RAD51B: variants seen among roughly 807,000 people sequenced by gnomAD.
RAD51B encodes the protein RAD51 paralog B, also known as DNA repair protein RAD51 homolog 2.
Under a neutral mutation model 42.2 loss-of-function variants are expected in RAD51B, and 38 were observed. The observed-to-expected ratio is 0.90, with a 90% CI of 0.70 to 1.18. RAD51B has a LOEUF of 1.18. Among genes scored for constraint, RAD51B ranks in the 50% most tolerant of loss-of-function variants. The probability of loss-of-function intolerance (pLI) is 0.00; values close to 1 mark genes in which losing one functional copy is unlikely to be tolerated. For synonymous variants in RAD51B, 154 were observed against 145.2 expected, an observed-to-expected ratio of 1.06 and a Z score of -0.43; for missense variants, 373 against 400.7, an observed-to-expected ratio of 0.93 and a Z score of 0.59.
At chr14:68,560,628 C>T (rs966435478) in intron 10 of RAD51B, among the ~76,000 whole-genome samples, 17 of 152,186 alleles carry the variant, frequency 1.1e-4, no homozygotes, top group African/African-American at 3.9e-4. Flanking sequence ...CCCAGCTACT[C>T]GGGAGAGTGA....
At chr14:68,596,053 T>C, downstream of RAD51B, 3 of 1,050,432 alleles carry the variant, frequency 2.9e-6, no homozygotes, top group Non-Finnish European at 3.5e-6. Flanking sequence ...GACCAGCAGA[T>C]GTGTTTCCTG....
At chr14:68,093,536 C>T (rs1048828782) in intron 7 of RAD51B, among the ~76,000 whole-genome samples, 43 of 152,188 alleles carry the variant, frequency 2.8e-4, no homozygotes, top group Middle Eastern at 3.4e-3. Context: ...TCTATGGGAT[C>T]GGTGGTGATA....
intron 4 of RAD51B, among the ~76,000 whole-genome samples, chr14:67,856,358 CT>C (rs113667680): frequency 2.3e-4 from 34 of 146,456 alleles, no homozygotes; most frequent in Admixed American, 4.8e-4. Context: ...TTCTGAGATT[CT>C]TTTTTTTTTT....
At chr14:68,363,248 T>C (rs2083069006) in intron 8 of RAD51B, among the ~76,000 whole-genome samples, 1 of 152,186 alleles carries the variant, frequency 6.6e-6, no homozygotes, top group Non-Finnish European at 1.5e-5. Context: ...ACAAATTCTA[T>C]CGATAAACAG....
intron 7 of RAD51B, among the ~76,000 whole-genome samples, chr14:68,005,243 G>A (rs1566572608): frequency 2.0e-5 from 3 of 151,552 alleles, no homozygotes; most frequent in South Asian, 4.2e-4. Context: ...TAATTGAGGT[G>A]GGGTTTCACC....
intron 7 of RAD51B, among the ~76,000 whole-genome samples, chr14:68,285,739 G>T (rs774905791): frequency 6.6e-6 from 1 of 152,174 alleles, no homozygotes; most frequent in Non-Finnish European, 1.5e-5. Flanking sequence ...GATGCCTGAG[G>T]TTGCTTCGTG....
At chr14:68,527,372 G>A (rs2140341802) in intron 10 of RAD51B, among the ~76,000 whole-genome samples, 1 of 152,352 alleles carries the variant, frequency 6.6e-6, no homozygotes, top group East Asian at 1.9e-4. Flanking sequence ...AGGAAAGAGA[G>A]AGTAGGGGAG....
At chr14:68,099,649 A>T (rs901833900) in intron 7 of RAD51B, among the ~76,000 whole-genome samples, 5 of 152,232 alleles carry the variant, frequency 3.3e-5, no homozygotes, top group African/African-American at 1.2e-4. Context: ...AGAGAAAAAA[A>T]AAGAAAGAGC....
chr14:68,606,444 T>A (rs1241231972), intron 10 of RAD51B, among the ~76,000 whole-genome samples: 2 of 152,206 alleles, frequency 1.3e-5, no homozygotes, highest in East Asian at 3.8e-4. Context: ...AAAATTGGAA[T>A]TTTTGCATCT....
At chr14:67,871,765 A>G (rs2042540414) in intron 5 of RAD51B, among the ~76,000 whole-genome samples, 1 of 152,030 alleles carries the variant, frequency 6.6e-6, no homozygotes, top group African/African-American at 2.4e-5. Context: ...CATCCCTGGG[A>G]TGCAAGGCTG....
intron 11 of RAD51B, among the ~76,000 whole-genome samples, chr14:68,680,526 T>G (rs750447085): frequency 6.6e-5 from 10 of 152,204 alleles, no homozygotes; most frequent in African/African-American, 7.2e-5. Flanking sequence ...CTTGCAAAAT[T>G]CCTGAAAATT....
intron 7 of RAD51B, among the ~76,000 whole-genome samples, chr14:67,935,912 A>G (rs1029650393): frequency 6.6e-6 from 1 of 152,264 alleles, no homozygotes. Context: ...CTATTATACC[A>G]GAGGATAATG....
In RAD51B at chr14:68,257,748, AG is replaced by A. The variant is rs142783780; in HGVS notation, c.757-34134del. Among the ~76,000 whole-genome samples, 1,176 of 152,254 alleles carry A rather than the reference AG, an allele frequency of 7.7e-3. 14 individuals carry two copies. The highest frequency in any genetic ancestry group is 0.027 in the African/African-American group (1,139 of 41,564). On this transcript the variant is annotated intron_variant, in intron 7 of 10. Coordinates refer to ENST00000471583, the MANE Select transcript of RAD51B (RefSeq NM_133510.4). ...CCAAAGTTTATTATATAAATATGTTAGGTTTCATAGTGTTGTTCTCTGTGAT... is the reference window on the plus strand; with the variant it reads ...CCAAAGTTTATTATATAAATATGTTAGTTTCATAGTGTTGTTCTCTGTGAT...
At chr14:68,470,513 C>T in intron 10 of RAD51B, 1 of 489,382 alleles carries the variant, frequency 2.0e-6, no homozygotes, top group South Asian at 1.5e-5. Context: ...CTGGGCCTTG[C>T]TTTTGTCAGC....
chr14:68,287,451 ATTC>A (rs1217841878), intron 7 of RAD51B, among the ~76,000 whole-genome samples: 5 of 152,210 alleles, frequency 3.3e-5, no homozygotes, highest in East Asian at 3.8e-4. Context: ...GGTGGATGGT[ATTC>A]TTCTTCCTCG....
intron 10 of RAD51B, among the ~76,000 whole-genome samples, chr14:68,589,111 T>C (rs1218063752): frequency 6.6e-6 from 1 of 152,180 alleles, no homozygotes; most frequent in East Asian, 1.9e-4. Context: ...GCCATGCATG[T>C]CTCCACCCAT....
At chr14:68,335,831 C>T (rs2082444804) in intron 8 of RAD51B, among the ~76,000 whole-genome samples, 2 of 152,110 alleles carry the variant, frequency 1.3e-5, no homozygotes, top group African/African-American at 4.8e-5. Context: ...CAGGCACCCA[C>T]CATGGGTTTG....
chr14:68,232,138 T>A (rs2080161873), intron 7 of RAD51B, among the ~76,000 whole-genome samples: 1 of 152,072 alleles, frequency 6.6e-6, no homozygotes, highest in African/African-American at 2.4e-5. Context: ...ATATTACATG[T>A]TAAACAGCAA....
At chr14:68,433,824 T>G (rs2085077593) in intron 9 of RAD51B, among the ~76,000 whole-genome samples, 1 of 152,212 alleles carries the variant, frequency 6.6e-6, no homozygotes, top group African/African-American at 2.4e-5. Context: ...AGAGGCACTC[T>G]GATTTTTAGA....
Sources: allele counts gnomAD v4.1 joint callset (sites outside exome capture counted in the v4.1 genomes callset), GRCh38; gene constraint gnomAD v4.1.1; transcripts MANE v1.5; gene names NCBI Gene and HGNC (gene_info 2026-07-23, HGNC 2026-07-21).